PDE1C: variants seen among roughly 807,000 people sequenced by gnomAD.
PDE1C encodes the protein phosphodiesterase 1C.
Under a neutral mutation model 93.1 loss-of-function variants are expected in PDE1C, and 62 were observed. That is an observed-to-expected ratio of 0.67 (90% CI 0.54 to 0.82). The LOEUF (loss-of-function observed/expected upper bound fraction) is 0.82, where lower values mean the gene tolerates loss of function less well. Among genes scored for constraint, PDE1C ranks in the 40% least tolerant of loss-of-function variants. PDE1C has a pLI of 0.00. For synonymous variants in PDE1C, 325 were observed against 310.1 expected (o/e 1.05, Z -0.50); for missense variants, 742 against 884.6 (o/e 0.84, Z 2.04).
chr7:31,766,003 G>C (rs1054151313), intron 17 of PDE1C, among the ~76,000 whole-genome samples: 6 of 152,186 alleles, frequency 3.9e-5, no homozygotes, highest in African/African-American at 9.7e-5. Flanking sequence ...ACCTCCCTTA[G>C]AGGGTTATTG....
At chr7:31,982,337 C>T (rs1049199321) in intron 2 of PDE1C, among the ~76,000 whole-genome samples, 3 of 152,182 alleles carry the variant, frequency 2.0e-5, no homozygotes, top group African/African-American at 7.2e-5. Context: ...ATGTGATATT[C>T]ATCCAGTTGT....
chr7:31,896,435 G>T (rs73306581), intron 2 of PDE1C, among the ~76,000 whole-genome samples: 1 of 152,078 alleles, frequency 6.6e-6, no homozygotes, highest in Non-Finnish European at 1.5e-5. Flanking sequence ...GATCTACTTG[G>T]TAAGGATTTA....
chr7:31,774,487 C>T (rs182345887), intron 17 of PDE1C, among the ~76,000 whole-genome samples: 10 of 152,238 alleles, frequency 6.6e-5, no homozygotes, highest in Non-Finnish European at 1.5e-4. Context: ...TGTCAGGAAC[C>T]TATATATGTC....
the PDE1C span, chr7:31,651,240 C>CT: frequency 7.4e-6 from 12 of 1,613,546 alleles, no homozygotes; most frequent in Non-Finnish European, 8.5e-6. Flanking sequence ...AGCAGGCCCT[C>CT]TTTTCCAGGG....
At chr7:32,138,539 G>A (rs1001882395) in intron 3 of PDE1C, among the ~76,000 whole-genome samples, 7 of 152,018 alleles carry the variant, frequency 4.6e-5, no homozygotes, top group Non-Finnish European at 1.0e-4. Flanking sequence ...CGTAATGAAG[G>A]TGTTAGCAGC....
the PDE1C span, among the ~76,000 whole-genome samples, chr7:31,721,797 T>C: frequency 3.3e-5 from 5 of 152,330 alleles, no homozygotes; most frequent in East Asian, 7.7e-4. Context: ...GTCCAGCCAC[T>C]TTTGTGGTTG....
chr7:32,000,280 T>G (rs1584396306), intron 2 of PDE1C, among the ~76,000 whole-genome samples: 1 of 152,128 alleles, frequency 6.6e-6, no homozygotes, highest in African/African-American at 2.4e-5. Flanking sequence ...AGTAAATTCA[T>G]GCAACGAGCT....
chr7:31,854,980 T>C (rs1391460462), intron 7 of PDE1C, among the ~76,000 whole-genome samples: 1 of 146,018 alleles, frequency 6.8e-6, no homozygotes, highest in Non-Finnish European at 1.5e-5. Flanking sequence ...GGCAGGAGAA[T>C]CACTTGAACC....
At chr7:31,925,279 C>A (rs1029718524) in intron 2 of PDE1C, among the ~76,000 whole-genome samples, 3 of 152,068 alleles carry the variant, frequency 2.0e-5, no homozygotes, top group Non-Finnish European at 4.4e-5. Flanking sequence ...TTGAATATGT[C>A]TGTTATCATC....
intron 2 of PDE1C, among the ~76,000 whole-genome samples, chr7:31,893,853 T>C (rs1798941465): frequency 6.6e-6 from 1 of 152,122 alleles, no homozygotes; most frequent in Non-Finnish European, 1.5e-5. Flanking sequence ...ATCTAGTGCT[T>C]TGGAGTTTGT....
At chr7:32,374,312 A>AAGAAAG (rs1413662573) in intron 1 of PDE1C, among the ~76,000 whole-genome samples, 2 of 147,854 alleles carry the variant, frequency 1.4e-5, no homozygotes, top group East Asian at 2.0e-4. Context: ...AGAAAGAAGA[A>AAGAAAG]AAGAAAAGAA....
intron 2 of PDE1C, among the ~76,000 whole-genome samples, chr7:31,987,539 T>A (rs1783574158): frequency 6.6e-6 from 1 of 152,132 alleles, no homozygotes; most frequent in Admixed American, 6.5e-5. Context: ...CCAGCTGCAG[T>A]CTCCTCACAG....
At chr7:32,160,352 A>T (rs1273454001) in intron 3 of PDE1C, among the ~76,000 whole-genome samples, 4 of 152,266 alleles carry the variant, frequency 2.6e-5, no homozygotes, top group African/African-American at 9.6e-5. Flanking sequence ...TCAACTAAAA[A>T]GGAAATTAAG....
At chr7:31,654,053 C>A in the PDE1C span, among the ~76,000 whole-genome samples, 6 of 130,330 alleles carry the variant, frequency 4.6e-5, no homozygotes, top group African/African-American at 8.5e-5. Flanking sequence ...AGAGTAAGTC[C>A]AAAAAAAAAA....
At chr7:31,789,299 T>C (rs1254009792) in intron 16 of PDE1C, 1 of 152,204 alleles carries the variant, frequency 6.6e-6, no homozygotes, top group Admixed American at 6.5e-5. Context: ...GTGCTATTAA[T>C]CCACTTCTAT....
chr7:31,834,479 A>C (rs1311529304), intron 11 of PDE1C, among the ~76,000 whole-genome samples: 1 of 152,186 alleles, frequency 6.6e-6, no homozygotes, highest in Non-Finnish European at 1.5e-5. Context: ...GCTGCCCAAG[A>C]CCATGAGAAC....
intron 2 of PDE1C, among the ~76,000 whole-genome samples, chr7:31,940,680 T>C (rs1805704846): frequency 6.8e-6 from 1 of 146,900 alleles, no homozygotes; most frequent in Non-Finnish European, 1.5e-5. Flanking sequence ...CCCCTGTGTC[T>C]GAACAGAAAC....
intron 1 of PDE1C, among the ~76,000 whole-genome samples, chr7:32,335,101 T>C (rs893957193): frequency 1.3e-5 from 2 of 152,208 alleles, no homozygotes; most frequent in Admixed American, 6.5e-5. Flanking sequence ...AGAATAAGCA[T>C]CTGTTTGCAA....
intron 2 of PDE1C, among the ~76,000 whole-genome samples, chr7:31,913,712 C>T (rs1801537636): frequency 6.6e-6 from 1 of 152,206 alleles, no homozygotes; most frequent in African/African-American, 2.4e-5. Context: ...TAAAGAGATG[C>T]TGTGTCATCC....
Sources: allele counts gnomAD v4.1 joint callset (sites outside exome capture counted in the v4.1 genomes callset), GRCh38; gene constraint gnomAD v4.1.1; transcripts MANE v1.5; gene names NCBI Gene and HGNC (gene_info 2026-07-23, HGNC 2026-07-21).